The following ST3GAL1 variants were observed in gnomAD, a reference collection of about 807,000 sequenced individuals.
The protein encoded by ST3GAL1 is CMP-N-acetylneuraminate-beta-galactosamide-alpha-2,3-sialyltransferase 1.
Under a neutral mutation model 34.1 loss-of-function variants are expected in ST3GAL1, and 16 were observed. The ratio of observed to expected loss-of-function variants is 0.47; its 90% CI spans 0.32 to 0.71. ST3GAL1 has a LOEUF of 0.71. ST3GAL1 is among the 30% of genes least tolerant of loss of function. The probability of loss-of-function intolerance (pLI) is 0.04; values close to 1 mark genes in which losing one functional copy is unlikely to be tolerated. For synonymous variants in ST3GAL1, 191 were observed against 184.7 expected (o/e 1.03, Z -0.28); for missense variants, 353 against 447.4 (o/e 0.79, Z 1.90).
At chr8:133,498,927 G>A (rs1817060792) in intron 3 of ST3GAL1, among the ~76,000 whole-genome samples, 1 of 152,238 alleles carries the variant, frequency 6.6e-6, no homozygotes, top group South Asian at 2.1e-4. Flanking sequence ...CACTGGGAAT[G>A]GGGATGTTTT....
chr8:133,462,042 G>A (rs373554863), intron 8 of ST3GAL1, 48 bp from the exon 9 acceptor site: 37 of 1,612,020 alleles, frequency 2.3e-5, no homozygotes, highest in African/African-American at 2.0e-4. Flanking sequence ...GGGGGGCAAA[G>A]GACATGGAGC....
At chr8:133,565,329 G>C (rs969506386) in intron 1 of ST3GAL1, among the ~76,000 whole-genome samples, 1 of 152,174 alleles carries the variant, frequency 6.6e-6, no homozygotes, top group African/African-American at 2.4e-5. Flanking sequence ...GGACAGAGGA[G>C]AGCAAGGTTG....
At chr8:133,468,076 A>C (rs1486026206) in intron 5 of ST3GAL1, among the ~76,000 whole-genome samples, 1 of 152,134 alleles carries the variant, frequency 6.6e-6, no homozygotes, top group Admixed American at 6.5e-5. Flanking sequence ...CAAAAGGTTA[A>C]ACAGAACAGC....
chr8:133,545,589 CTG>C lies in ST3GAL1; in HGVS notation c.-429+183_-429+184del, dbSNP rs551962223. On this transcript the variant is annotated intron_variant, in intron 2 of 9. Transcript: ENST00000522652. ...GTCTGCATATTTCTCCTGAGGGACA[CTG>C]TATTCCCCTTCCATGGGAACTCCTC... Among the ~76,000 whole-genome samples the C allele has an allele frequency of 3.5e-3, 530 of 152,348 alleles. 4 individuals carry two copies. Among genetic ancestry groups the C allele is most frequent in the African/African-American group, 0.012 (505 of 41,582 alleles).
At chr8:133,559,973 A>C (rs917673981) in intron 1 of ST3GAL1, among the ~76,000 whole-genome samples, 1 of 152,246 alleles carries the variant, frequency 6.6e-6, no homozygotes, top group African/African-American at 2.4e-5. Context: ...GCAAGCAGCC[A>C]TGCAGGGACG....
At chr8:133,539,200 CAAG>C (rs964391825) in intron 2 of ST3GAL1, among the ~76,000 whole-genome samples, 5 of 152,182 alleles carry the variant, frequency 3.3e-5, no homozygotes, top group Non-Finnish European at 7.3e-5. Flanking sequence ...CCAGCAGAAC[CAAG>C]AAGAACGAAG....
At chr8:133,544,361 G>A (rs779877589) in intron 2 of ST3GAL1, among the ~76,000 whole-genome samples, 6 of 152,290 alleles carry the variant, frequency 3.9e-5, no homozygotes, top group South Asian at 2.1e-4. Flanking sequence ...CCTGTCTATC[G>A]TATAGAACTG....
intron 1 of ST3GAL1, chr8:133,567,269 C>T (rs771083703): frequency 1.3e-5 from 2 of 152,198 alleles, no homozygotes; most frequent in Admixed American, 6.5e-5. Flanking sequence ...CAGCAAGGAA[C>T]AAGGACCGAG....
At chr8:133,462,307 G>A (rs184066877) in intron 8 of ST3GAL1, among the ~76,000 whole-genome samples, 4 of 152,318 alleles carry the variant, frequency 2.6e-5, no homozygotes, top group African/African-American at 9.6e-5. Context: ...ATGGGAGGCT[G>A]CTCAGGAGAA....
intron 2 of ST3GAL1, among the ~76,000 whole-genome samples, chr8:133,520,784 T>G (rs1456307195): frequency 6.6e-6 from 1 of 150,684 alleles, no homozygotes; most frequent in African/African-American, 2.4e-5. Flanking sequence ...TTTTTTTTTT[T>G]TTTTTTTGAC....
intron 3 of ST3GAL1, among the ~76,000 whole-genome samples, chr8:133,491,644 G>C (rs12550775): frequency 0.095 from 14,448 of 152,218 alleles, 967 homozygotes; most frequent in African/African-American, 0.17. Context: ...GGAGCTGAGG[G>C]GCAGCCTCTA....
chr8:133,463,353 G>T, intron 8 of ST3GAL1, 61 bp downstream of exon 8: 1 of 1,593,708 alleles, frequency 6.3e-7, no homozygotes, highest in South Asian at 1.1e-5. Flanking sequence ...CCGTACCTTA[G>T]AGCAGAGCCT....
chr8:133,540,858 T>TATATATAGAGAC lies in ST3GAL1; in HGVS notation c.-429+4904_-429+4915dup, dbSNP rs1563734088. 1.6e-3 allele frequency among the ~76,000 whole-genome samples: 183 copies of TATATATAGAGAC among 114,374 alleles called. 12 individuals carry two copies. The highest frequency in any genetic ancestry group is 5.8e-3 in the African/African-American group (170 of 29,070). The allele number at this position is 114,374 out of a possible 152,430, so 75.0% of individuals were successfully genotyped here. A position where few individuals can be genotyped will look rare whatever the true frequency, so the allele number is the denominator to read the frequency against. Reference sequence around the variant, plus strand: ...ATAGAGAGACATATATATAGAGACATATATATAGAGACATATATATAGAGA... The same window carrying TATATATAGAGAC: ...ATAGAGAGACATATATATAGAGACATATATATAGAGACATATATAGAGACATATATATAGAGA... On this transcript the variant is annotated intron_variant, in intron 2 of 9. Coordinates refer to ENST00000522652, the MANE Select transcript of ST3GAL1 (RefSeq NM_173344.3).
intron 1 of ST3GAL1, among the ~76,000 whole-genome samples, chr8:133,562,867 T>TTCC (rs1563744776): frequency 1.5e-5 from 2 of 130,584 alleles, no homozygotes; most frequent in Non-Finnish European, 3.2e-5. Flanking sequence ...TTTTTTTTTT[T>TTCC]CCCACTGGGC....
At position 133,528,100 on chromosome 8, in the gene ST3GAL1, G is replaced by A. The variant is rs143372600; in HGVS notation, c.-429+17674C>T. ...TGAAGCAGAAGAATTGCTTGAACCC[G>A]GGAGGCGGAGGTTGCAGTAAGCCAA... is the stretch of plus-strand genomic sequence containing the variant. On this transcript the variant is annotated intron_variant, in intron 2 of 9. Transcript: ENST00000522652. 5.2e-3 allele frequency among the ~76,000 whole-genome samples: 784 copies of A among 152,120 alleles called. 7 individuals carry two copies. The highest frequency in any genetic ancestry group is 0.014 in the African/African-American group (590 of 41,488).
chr8:133,534,021 T>C (rs890817589), intron 2 of ST3GAL1, among the ~76,000 whole-genome samples: 3 of 152,018 alleles, frequency 2.0e-5, no homozygotes, highest in Non-Finnish European at 2.9e-5. Flanking sequence ...CTGAGTGACC[T>C]CTCCTCCACC....
At chr8:133,480,796 C>T (rs1392244121) in intron 3 of ST3GAL1, among the ~76,000 whole-genome samples, 2 of 152,202 alleles carry the variant, frequency 1.3e-5, no homozygotes, top group Non-Finnish European at 2.9e-5. Flanking sequence ...CCCTATCTTC[C>T]CCATTCCCTT....
At position 133,556,425 on chromosome 8, in the gene ST3GAL1, A is replaced by G. The variant is rs1300628461; in HGVS notation, c.-581-10499T>C. 6.6e-6 allele frequency among the ~76,000 whole-genome samples: 1 copy of G among 152,152 alleles called. No homozygotes were observed. Among genetic ancestry groups the G allele is most frequent in the Non-Finnish European group, 1.5e-5 (1 of 68,024 alleles). ...TCTTGGATGGACTGAATTTGCTTTC[A>G]GAGGAGTGAGATGCTGGCAGGCTGT... On this transcript the variant is annotated intron_variant, in intron 1 of 9. Coordinates refer to ENST00000522652, the MANE Select transcript of ST3GAL1 (RefSeq NM_173344.3). This position sits in a 1 kb window ranked among gnomAD's most constrained non-coding sequence, Gnocchi z 8.9.
At chr8:133,500,228 C>T (rs1022820690) in intron 2 of ST3GAL1, among the ~76,000 whole-genome samples, 18 of 152,042 alleles carry the variant, frequency 1.2e-4, no homozygotes, top group African/African-American at 3.4e-4. Flanking sequence ...CTGTTAAGAC[C>T]GCCTGGGCCT....
Sources: allele counts gnomAD v4.1 joint callset (sites outside exome capture counted in the v4.1 genomes callset), GRCh38; gene constraint gnomAD v4.1.1; non-coding constraint Gnocchi (gnomAD v3.1); transcripts MANE v1.5; gene names NCBI Gene and HGNC (gene_info 2026-07-23, HGNC 2026-07-21).